KIF26B: variants seen among roughly 807,000 people sequenced by gnomAD.
KIF26B encodes kinesin family member 26B, also known as kinesin-like protein KIF26B.
Under a neutral mutation model 151.2 loss-of-function variants are expected in KIF26B, and 63 were observed. That is an observed-to-expected ratio of 0.42 (90% CI 0.34 to 0.51). The LOEUF (loss-of-function observed/expected upper bound fraction) is 0.51, where lower values mean the gene tolerates loss of function less well. KIF26B is among the 20% of genes least tolerant of loss of function. KIF26B has a pLI of 0.07. For missense variants in KIF26B, 2,813 were observed against 2,913.6 expected (o/e 0.97, Z 0.79); for synonymous variants, 1,357 against 1,262.1 (o/e 1.08, Z -1.59).
At chr1:245,523,946 T>C (rs1488476659) in intron 4 of KIF26B, among the ~76,000 whole-genome samples, 3 of 152,204 alleles carry the variant, frequency 2.0e-5, no homozygotes, top group Non-Finnish European at 4.4e-5. Context: ...GACTAATAAA[T>C]ACAGAATAGT....
At position 245,607,505 on chromosome 1, in the gene KIF26B, C is replaced by T. The variant is rs1177199201; in HGVS notation, c.1558-146C>T. ...GGTCGCCAGGGGTTCTGAGCATCTC[C>T]AAAACTTCACGACAGAGGCCAACCC... On this transcript the variant is annotated intron_variant, in intron 6 of 14. Transcript: ENST00000407071. 4 of 617,862 alleles carry T rather than the reference C, an allele frequency of 6.5e-6. No individual in the cohort carries two copies. The East Asian group carries it at 1.1e-4, about 18-fold the overall frequency. 38.3% of individuals were successfully genotyped at this position (617,862 alleles called of 1,614,324 possible). A position where few individuals can be genotyped will look rare whatever the true frequency, so the allele number is the denominator to read the frequency against.
chr1:245,423,279 T>C (rs1658538256), intron 4 of KIF26B, among the ~76,000 whole-genome samples: 1 of 152,082 alleles, frequency 6.6e-6, no homozygotes, highest in Admixed American at 6.6e-5. Context: ...ACCCCCTTCA[T>C]CTTCACAGTA....
chr1:245,573,478 G>A (rs77054462), intron 5 of KIF26B, among the ~76,000 whole-genome samples: 10,834 of 152,092 alleles, frequency 0.071, 578 homozygotes, highest in East Asian at 0.22. Context: ...ACCCAAGATC[G>A]AGCCACTGCA....
chr1:245,467,018 C>T (rs1659807530), intron 4 of KIF26B, among the ~76,000 whole-genome samples: 1 of 152,202 alleles, frequency 6.6e-6, no homozygotes, highest in Non-Finnish European at 1.5e-5. Flanking sequence ...CTAACCTCAG[C>T]CTTATTTTTG....
chr1:245,284,869 G>A (rs184944240), intron 2 of KIF26B, among the ~76,000 whole-genome samples: 7 of 151,896 alleles, frequency 4.6e-5, no homozygotes, highest in African/African-American at 9.7e-5. Flanking sequence ...AGAAAACCCC[G>A]TCTCTAATAA....
In KIF26B at chr1:245,685,425, C is replaced by G. The variant is rs370389334; in HGVS notation, c.2442C>G (p.Gly814=). ...KKTKYTSSSS[G]GESSCEEGRM... ...CACAGTACACATCCAGCTCGTCCGG[C>G]GGGGAGAGCTCCTGCGAAGAAGGCC... Residue 814 remains glycine, a synonymous_variant, in exon 12 of 15, where the codon GGC becomes GGG. Coordinates refer to ENST00000407071, the MANE Select transcript of KIF26B (RefSeq NM_018012.4). 2.5e-6 allele frequency: 4 copies of G among 1,611,966 alleles called. No homozygotes were observed. Among genetic ancestry groups the G allele is most frequent in the Non-Finnish European group, 3.4e-6 (4 of 1,178,902 alleles).
At chr1:245,637,933 TATG>T (rs961579101) in intron 9 of KIF26B, among the ~76,000 whole-genome samples, 2 of 152,048 alleles carry the variant, frequency 1.3e-5, no homozygotes, top group Non-Finnish European at 2.9e-5. Context: ...AATCAGATAG[TATG>T]ATGTTTCCAG....
intron 2 of KIF26B, among the ~76,000 whole-genome samples, chr1:245,363,568 G>A (rs1305936481): frequency 1.3e-5 from 2 of 152,134 alleles, no homozygotes; most frequent in African/African-American, 2.4e-5. Flanking sequence ...AGCACTTACA[G>A]AAAGCTATGG....
chr1:245,523,397 G>T (rs1476354060), intron 4 of KIF26B, among the ~76,000 whole-genome samples: 2 of 152,214 alleles, frequency 1.3e-5, no homozygotes, highest in East Asian at 3.8e-4. Context: ...TCTAGATTGA[G>T]TTAAACAGAG....
chr1:245,517,942 G>A (rs1224104456), intron 4 of KIF26B, among the ~76,000 whole-genome samples: 2 of 148,512 alleles, frequency 1.3e-5, no homozygotes, highest in Admixed American at 6.8e-5. Flanking sequence ...GCACGATCTC[G>A]GCTCACTGCA....
chr1:245,475,395 C>T (rs796727099), intron 4 of KIF26B, among the ~76,000 whole-genome samples: 3 of 151,858 alleles, frequency 2.0e-5, no homozygotes, highest in African/African-American at 7.2e-5. Context: ...CCATTGTTTA[C>T]AATGGGGACA....
At chr1:245,449,103 G>A (rs1222085508) in intron 4 of KIF26B, among the ~76,000 whole-genome samples, 6 of 152,206 alleles carry the variant, frequency 3.9e-5, no homozygotes, top group Non-Finnish European at 8.8e-5. Context: ...ATAACATGAT[G>A]TGGATTTGGA....
chr1:245,200,742 G>A (rs1214836231), intron 2 of KIF26B, among the ~76,000 whole-genome samples: 3 of 152,130 alleles, frequency 2.0e-5, no homozygotes, highest in African/African-American at 4.8e-5. Flanking sequence ...CATAGAGAAC[G>A]CAGCTTTAAT....
At chr1:245,397,417 T>C (rs1365365394) in intron 3 of KIF26B, among the ~76,000 whole-genome samples, 2 of 152,176 alleles carry the variant, frequency 1.3e-5, no homozygotes, top group Non-Finnish European at 2.9e-5. Flanking sequence ...TGTTTCACCA[T>C]GTTGGTCAGG....
At chr1:245,236,184 T>C (rs1248821954) in intron 2 of KIF26B, among the ~76,000 whole-genome samples, 1 of 152,192 alleles carries the variant, frequency 6.6e-6, no homozygotes, top group African/African-American at 2.4e-5. Flanking sequence ...TGCTTCGGCC[T>C]CCCAAAATGT....
intron 2 of KIF26B, among the ~76,000 whole-genome samples, chr1:245,325,479 C>G (rs112285901): frequency 6.6e-6 from 1 of 152,254 alleles, no homozygotes; most frequent in South Asian, 2.1e-4. Context: ...TTTGGAAAGC[C>G]GAGGCAGGCA....
intron 2 of KIF26B, among the ~76,000 whole-genome samples, chr1:245,338,794 C>T (rs1366749072): frequency 6.6e-6 from 1 of 152,070 alleles, no homozygotes; most frequent in Non-Finnish European, 1.5e-5. Context: ...ATTCACCATC[C>T]CCAAAATAGC....
At chr1:245,508,266 A>G (rs892974252) in intron 4 of KIF26B, among the ~76,000 whole-genome samples, 2 of 152,142 alleles carry the variant, frequency 1.3e-5, no homozygotes, top group Non-Finnish European at 2.9e-5. Context: ...GTTGAGACGG[A>G]GTCTCGCTCT....
At chr1:245,695,923 C>T (rs928951906) in intron 12 of KIF26B, among the ~76,000 whole-genome samples, 13 of 147,572 alleles carry the variant, frequency 8.8e-5, no homozygotes, top group Admixed American at 2.0e-4. Context: ...TGCCCTGGCA[C>T]GGGTATTGGC....
Sources: gnomAD v4.1 joint callset for allele counts (sites outside exome capture counted in the v4.1 genomes callset) on GRCh38, gnomAD v4.1.1 for gene constraint, MANE v1.5 for transcripts, NCBI Gene and HGNC (gene_info 2026-07-23, HGNC 2026-07-21) for gene names.